The following HK1 variants were observed in gnomAD, a reference collection of about 807,000 sequenced individuals.
HK1 encodes the protein hexokinase-1.
A neutral mutation model predicts 91.6 loss-of-function variants in HK1; 28 were observed. The observed-to-expected ratio is 0.31, with a 90% CI of 0.23 to 0.42. The LOEUF (loss-of-function observed/expected upper bound fraction) is 0.42. Ranked by LOEUF, HK1 falls within the 10% of genes least tolerant of loss-of-function variation. HK1 has a pLI of 1.00. For synonymous variants in HK1, 430 were observed against 468.1 expected (o/e 0.92, Z 1.05); for missense variants, 770 against 1,219.8 (o/e 0.63, Z 5.49).
chr10:69,357,573 C>T (rs763194278), intron 2 of HK1, among the ~76,000 whole-genome samples: 9 of 152,106 alleles, frequency 5.9e-5, no homozygotes, highest in Non-Finnish European at 1.3e-4. Flanking sequence ...ACCTCAGTCT[C>T]CAAGTAGCTG....
chr10:69,386,047 G>A (rs1839614370), intron 12 of HK1, among the ~76,000 whole-genome samples: 1 of 152,170 alleles, frequency 6.6e-6, no homozygotes, highest in Non-Finnish European at 1.5e-5. Flanking sequence ...GTCCAGTATT[G>A]AGTGCCGTCT....
Position 69,382,619 on chromosome 10 carries a change from G to A in HK1, c.1398G>A (p.Gln466=). The A allele has an allele frequency of 6.2e-7, 1 of 1,614,196 alleles. No homozygotes were observed. The highest frequency in any genetic ancestry group is 8.5e-7 in the Non-Finnish European group (1 of 1,180,030). Residue 466 remains glutamine (Q), a synonymous_variant, in exon 10 of 18, where the codon CAG becomes CAA. Coordinates refer to ENST00000359426, the MANE Select transcript of HK1 (RefSeq NM_000188.3). ...VTAVAYRLAE[Q]HRQIEETLAH... ...CGGTGGCCTACCGCTTGGCCGAGCA[G>A]CACCGGCAGATAGAGGAGACCCTGG...
At chr10:69,281,068 A>T (rs556039928) in intron 1 of HK1, among the ~76,000 whole-genome samples, 1 of 152,324 alleles carries the variant, frequency 6.6e-6, no homozygotes, top group East Asian at 1.9e-4. Context: ...TGTGGAGGAC[A>T]TGAGAGAGTG....
intron 13 of HK1, chr10:69,386,696 C>T (rs578186906): frequency 2.8e-5 from 10 of 356,788 alleles, no homozygotes; most frequent in South Asian, 4.4e-5. Flanking sequence ...GCAGAAGAAT[C>T]GCTTCAACCC....
intron 5 of HK1, among the ~76,000 whole-genome samples, chr10:69,302,044 G>A (rs35258842): frequency 0.22 from 33,680 of 151,850 alleles, 4,721 homozygotes; most frequent in East Asian, 0.58. Context: ...TCAGGAGTTC[G>A]TGACCAGCCT....
intron 1 of HK1, among the ~76,000 whole-genome samples, chr10:69,334,724 C>T (rs11819564): frequency 0.024 from 3,631 of 152,240 alleles, 150 homozygotes; most frequent in African/African-American, 0.083. Context: ...GGGCATGGCT[C>T]CTGTACCCCT....
At chr10:69,323,872 G>A (rs1321352212) in intron 1 of HK1, among the ~76,000 whole-genome samples, 1 of 152,182 alleles carries the variant, frequency 6.6e-6, no homozygotes, top group African/African-American at 2.4e-5. Flanking sequence ...GGGACTGTCT[G>A]TGTGTGTCTG....
chr10:69,364,178 G>C (rs1045757111), intron 3 of HK1, among the ~76,000 whole-genome samples: 1 of 152,210 alleles, frequency 6.6e-6, no homozygotes, highest in Non-Finnish European at 1.5e-5. Context: ...TCCATCTCGT[G>C]TTTCTCCATC....
intron 5 of HK1, among the ~76,000 whole-genome samples, chr10:69,307,847 CTTTTT>C (rs147435234): frequency 1.1e-4 from 17 of 151,188 alleles, no homozygotes; most frequent in African/African-American, 4.1e-4. Context: ...ATTTTCTTTT[CTTTTT>C]TTTTGAGATG....
At chr10:69,396,893 C>T (rs1840169557) in intron 16 of HK1, among the ~76,000 whole-genome samples, 2 of 152,098 alleles carry the variant, frequency 1.3e-5, no homozygotes, top group African/African-American at 4.8e-5. Context: ...CCATGTTGAT[C>T]AGGGTGGTCT....
chr10:69,372,388 T>C lies in HK1; in HGVS notation c.875+2764T>C, dbSNP rs949890271. Reference sequence around the variant, plus strand: ...AATAGGCTGTAGGCTAAAGAGTTTTTTTGCCTAAGCAAATTTTTGCTGTGC... The same window carrying C: ...AATAGGCTGTAGGCTAAAGAGTTTTCTTGCCTAAGCAAATTTTTGCTGTGC... On this transcript the variant is annotated intron_variant, in intron 7 of 17. Transcript: ENST00000359426. Among the ~76,000 whole-genome samples, 3 of 152,250 alleles carry C rather than the reference T, an allele frequency of 2.0e-5. No homozygotes were observed. The East Asian group carries it at 5.8e-4, about 29-fold the overall frequency.
Position 69,384,832 on chromosome 10 carries a change from T to C in HK1, c.1756T>C (p.Leu586=). 6.2e-7 allele frequency: 1 copy of C among 1,614,186 alleles called. No homozygotes were observed. Among genetic ancestry groups the C allele is most frequent in the South Asian group, 1.1e-5 (1 of 91,082 alleles). The part of the protein sequence containing the change: ...DHIVSCISDF[L]DYMGIKGPRM... Reference sequence around the variant, plus strand: ...CATTGTCTCCTGCATCTCTGACTTCTTGGACTACATGGGGATCAAAGGCCC... The same window carrying C: ...CATTGTCTCCTGCATCTCTGACTTCCTGGACTACATGGGGATCAAAGGCCC... Residue 586 remains leucine, a synonymous_variant, in exon 12 of 18, where the codon TTG becomes CTG. Transcript: ENST00000359426.
chr10:69,330,654 C>T (rs1405482755), intron 1 of HK1, among the ~76,000 whole-genome samples: 1 of 152,108 alleles, frequency 6.6e-6, no homozygotes, highest in African/African-American at 2.4e-5. Context: ...TTCCCTGATG[C>T]AGACTCTCAT....
At chr10:69,389,429 T>G in intron 14 of HK1, 133 bp downstream of exon 14, 1 of 521,730 alleles carries the variant, frequency 1.9e-6, no homozygotes, top group South Asian at 1.5e-5. Context: ...CTTGACCAGC[T>G]CCAGAGTTCA....
chr10:69,297,420 C>A (rs1220624454), intron 4 of HK1, among the ~76,000 whole-genome samples: 1 of 152,042 alleles, frequency 6.6e-6, no homozygotes, highest in Admixed American at 6.6e-5. Flanking sequence ...GCAGTGCAAA[C>A]CGGTGTTGTT....
At chr10:69,271,696 C>T (rs1844178707) in intron 1 of HK1, among the ~76,000 whole-genome samples, 1 of 151,990 alleles carries the variant, frequency 6.6e-6, no homozygotes, top group African/African-American at 2.4e-5. Flanking sequence ...CCAGGATAGT[C>T]TCAATCTCCT....
rs558169035 is a variant in HK1, at chr10:69,347,815, A to C, written c.226+3826A>C. Reference sequence around the variant, plus strand: ...CTTTTCTGCAATAGATAATGAGATAACAGGGAGGGTAAGGATAAAGTTCTC... The same window carrying C: ...CTTTTCTGCAATAGATAATGAGATACCAGGGAGGGTAAGGATAAAGTTCTC... On this transcript the variant is annotated intron_variant, in intron 2 of 17. Transcript: ENST00000359426. Among the ~76,000 whole-genome samples the C allele has an allele frequency of 2.0e-5, 3 of 152,280 alleles. No homozygotes were observed. In the South Asian group the frequency reaches 6.2e-4, roughly 32 times the overall value.
rs547076634 is a variant in HK1, at chr10:69,274,025, A to G, written c.-391+3917A>G. ...TTTTTAATATTAAGCATAAATAGCC[A>G]TAGAGTCTGATGTAGATATTATTTT... On this transcript the variant is annotated intron_variant, in intron 1 of 21. Transcript: ENST00000360289. 1.8e-4 allele frequency among the ~76,000 whole-genome samples: 27 copies of G among 152,118 alleles called. No individual in the cohort carries two copies. The East Asian group carries it at 4.3e-3, about 24-fold the overall frequency.
At chr10:69,293,778 C>T (rs1845404509) in intron 3 of HK1, among the ~76,000 whole-genome samples, 1 of 151,414 alleles carries the variant, frequency 6.6e-6, no homozygotes, top group Non-Finnish European at 1.5e-5. Context: ...AACTGGGGCT[C>T]ATTCACATAG....
Sources: gnomAD v4.1 joint callset for allele counts (sites outside exome capture counted in the v4.1 genomes callset) on GRCh38, gnomAD v4.1.1 for gene constraint, MANE v1.5 for transcripts, NCBI Gene and HGNC (gene_info 2026-07-23, HGNC 2026-07-21) for gene names.